The following PCDHA11 variants were observed in gnomAD, a reference collection of about 807,000 sequenced individuals.
The protein encoded by PCDHA11 is protocadherin alpha-11.
Under a neutral mutation model 70.3 loss-of-function variants are expected in PCDHA11, and 61 were observed. The observed-to-expected ratio is 0.87, with a 90% CI of 0.71 to 1.07. PCDHA11 has a LOEUF of 1.07. Among genes scored for constraint, PCDHA11 ranks in the 50% least tolerant of loss-of-function variants. The pLI is 0.00. For missense variants in PCDHA11, 1,324 were observed against 1,237.5 expected (o/e 1.07, Z -1.05); for synonymous variants, 633 against 555.1 (o/e 1.14, Z -1.97).
intron 1 of PCDHA11, among the ~76,000 whole-genome samples, chr5:140,921,888 AAGG>A (rs1354196773): frequency 2.0e-5 from 3 of 152,090 alleles, no homozygotes; most frequent in African/African-American, 7.2e-5. Flanking sequence ...AGATTTTAGA[AAGG>A]AGGATAAATA....
intron 3 of PCDHA11, among the ~76,000 whole-genome samples, chr5:140,987,698 A>T (rs1213489735): frequency 6.6e-6 from 1 of 152,142 alleles, no homozygotes; most frequent in African/African-American, 2.4e-5. Flanking sequence ...TTTTTAAATG[A>T]TTTTTCCAGG....
In PCDHA11 at chr5:140,871,383, G is replaced by C. The variant is rs200820570; in HGVS notation, c.2280G>C (p.Glu760Asp). 9.3e-6 allele frequency: 15 copies of C among 1,614,204 alleles called. No homozygotes were observed. The highest frequency in any genetic ancestry group is 6.7e-5 in the East Asian group (3 of 44,886). ...SQQRRQRVCS[E>D]EGPPKTDLMA... Reference sequence around the variant, plus strand: ...AGAGGCGGCAGAGGGTGTGCTCTGAGGAGGGCCCACCTAAGACGGACCTCA... The same window carrying C: ...AGAGGCGGCAGAGGGTGTGCTCTGACGAGGGCCCACCTAAGACGGACCTCA... The change falls in exon 1 of 4, where the codon GAG becomes GAC. Residue 760 changes from glutamate (E) to aspartate (D), a missense_variant. Coordinates refer to ENST00000398640, the MANE Select transcript of PCDHA11 (RefSeq NM_018902.5).
chr5:140,923,171 G>T (rs1236853762), intron 1 of PCDHA11, among the ~76,000 whole-genome samples: 1 of 152,112 alleles, frequency 6.6e-6, no homozygotes, highest in Non-Finnish European at 1.5e-5. Flanking sequence ...ATAAATTTTT[G>T]TTCAGATGCA....
chr5:140,981,726 T>C (rs1554243283), intron 2 of PCDHA11, among the ~76,000 whole-genome samples: 1 of 151,710 alleles, frequency 6.6e-6, no homozygotes, highest in Non-Finnish European at 1.5e-5. Context: ...CCAACAAATA[T>C]TTGAGAGATT....
In PCDHA11 at chr5:140,870,092, C is replaced by T. The variant is rs2051656113; in HGVS notation, c.989C>T (p.Ala330Val). The change falls in exon 1 of 4, where the codon GCA becomes GTA. Residue 330 changes from alanine (A) to valine (V), a missense_variant. Transcript: ENST00000398640. ...ACAGATAAGGGGACTCCCCCAATGG[C>T]AGGTCACTGTACAGTCTGGGTGGAA... ...QATDKGTPPM[A>V]GHCTVWVEIL... The T allele has an allele frequency of 1.2e-6, 2 of 1,613,728 alleles. No homozygotes were observed. Among genetic ancestry groups the T allele is most frequent in the African/African-American group, 1.3e-5 (1 of 74,904 alleles).
At chr5:140,993,462 TCACACACACACACACACACACA>T (rs3836747) in intron 3 of PCDHA11, among the ~76,000 whole-genome samples, 6 of 141,044 alleles carry the variant, frequency 4.3e-5, no homozygotes, top group East Asian at 4.2e-4. Context: ...TCTTTCTTTC[TCACACACACACACACACACACA>T]CACACACACA....
chr5:140,944,464 G>T (rs2093661298), intron 1 of PCDHA11, among the ~76,000 whole-genome samples: 1 of 152,158 alleles, frequency 6.6e-6, no homozygotes, highest in African/African-American at 2.4e-5. Context: ...TGGGATTACA[G>T]GTATGAGGCA....
intron 1 of PCDHA11, among the ~76,000 whole-genome samples, chr5:140,957,852 A>T (rs968818783): frequency 6.6e-6 from 1 of 151,658 alleles, no homozygotes. Flanking sequence ...GAGTTTGTGT[A>T]TTTTTTTTCC....
intron 3 of PCDHA11, among the ~76,000 whole-genome samples, chr5:140,995,186 A>T (rs2097669011): frequency 6.6e-6 from 1 of 152,132 alleles, no homozygotes; most frequent in Non-Finnish European, 1.5e-5. Flanking sequence ...ACCTATGATA[A>T]AGTTTAATTT....
intron 1 of PCDHA11, among the ~76,000 whole-genome samples, chr5:140,940,470 A>G (rs182796886): frequency 4.7e-5 from 7 of 149,652 alleles, no homozygotes; most frequent in African/African-American, 9.8e-5. Flanking sequence ...GTTCCCTGCA[A>G]TTTTTTTTTT....
intron 3 of PCDHA11, among the ~76,000 whole-genome samples, chr5:141,008,307 G>A (rs1212029861): frequency 2.0e-5 from 3 of 152,176 alleles, no homozygotes; most frequent in Admixed American, 1.3e-4. Context: ...ACCCTAAACT[G>A]TAATTGAACA....
intron 1 of PCDHA11, among the ~76,000 whole-genome samples, chr5:140,942,619 T>TA (rs35075175): frequency 5.6e-4 from 83 of 148,996 alleles, no homozygotes; most frequent in Non-Finnish European, 6.7e-4. Flanking sequence ...TTGCCAATTG[T>TA]AAAAAAAAAA....
intron 1 of PCDHA11, among the ~76,000 whole-genome samples, chr5:140,901,959 A>G (rs1163639408): frequency 6.6e-6 from 1 of 152,076 alleles, no homozygotes; most frequent in Admixed American, 6.6e-5. Flanking sequence ...ATTCGTGGCT[A>G]TCGTAAATGG....
rs199624636 is a variant in PCDHA11, at chr5:141,009,721, C to T, written c.2634C>T (p.Ser878=). The change falls in exon 4 of 4, where the codon TCC becomes TCT. Residue 878 remains serine (S), a synonymous_variant. Coordinates refer to ENST00000398640, the MANE Select transcript of PCDHA11 (RefSeq NM_018902.5). ...FKYGPGNPKQ[S]GPGELPDKFI... ...ACGGACCAGGCAACCCCAAACAATCCGGTCCCGGTGAGTTGCCCGACAAAT... is the reference window on the plus strand; with the variant it reads ...ACGGACCAGGCAACCCCAAACAATCTGGTCCCGGTGAGTTGCCCGACAAAT... 1.3e-5 allele frequency: 21 copies of T among 1,614,012 alleles called. No individual in the cohort carries two copies. The highest frequency in any genetic ancestry group is 1.7e-5 in the Non-Finnish European group (20 of 1,180,038).
At chr5:140,966,741 G>T in intron 1 of PCDHA11, 1 of 1,421,322 alleles carries the variant, frequency 7.0e-7, no homozygotes, top group Non-Finnish European at 9.1e-7. Flanking sequence ...GGCCCTGCCC[G>T]GCTGCCTCCG....
At position 140,870,438 on chromosome 5, in the gene PCDHA11, C is replaced by T. The variant is rs192088459; in HGVS notation, c.1335C>T (p.Ala445=). 3.9e-4 allele frequency: 630 copies of T among 1,614,178 alleles called. 3 individuals are homozygous for T. The African/African-American group carries it at 7.7e-3, about 20-fold the overall frequency. Residue 445 remains alanine (A), a synonymous_variant, in exon 1 of 4, where the codon GCC becomes GCT. Coordinates refer to ENST00000398640, the MANE Select transcript of PCDHA11 (RefSeq NM_018902.5). ...WATARVSVEV[A]DVNDNAPAFA... ...CGGCCAGGGTATCCGTGGAGGTGGCCGACGTGAACGACAATGCGCCTGCGT... is the reference window on the plus strand; with the variant it reads ...CGGCCAGGGTATCCGTGGAGGTGGCTGACGTGAACGACAATGCGCCTGCGT...
intron 3 of PCDHA11, among the ~76,000 whole-genome samples, chr5:141,004,166 A>C (rs2098156060): frequency 6.6e-6 from 1 of 152,278 alleles, no homozygotes; most frequent in Non-Finnish European, 1.5e-5. Context: ...AGGCAAAGCC[A>C]GCCAAGTGTC....
At chr5:141,009,019 C>A (rs1160022658) in intron 3 of PCDHA11, among the ~76,000 whole-genome samples, 1 of 152,232 alleles carries the variant, frequency 6.6e-6, no homozygotes, top group Non-Finnish European at 1.5e-5. Context: ...CCTTTAGGCT[C>A]TGTATTTCCC....
Position 141,010,780 on chromosome 5 carries a change from TGCAAAA to T in PCDHA11, c.*851_*856del, listed in dbSNP as rs1309288663. 1 of 153,816 alleles carries T rather than the reference TGCAAAA, an allele frequency of 6.5e-6. No homozygotes were observed. The highest frequency in any genetic ancestry group is 1.9e-4 in the East Asian group (1 of 5,188). The allele number at this position is 153,816 out of a possible 1,614,324, so 9.5% of individuals were successfully genotyped here. On this transcript the variant is annotated 3_prime_UTR_variant, in exon 4 of 4. Transcript: ENST00000398640. ...AGGCCAGATCCTTTTCCAATACTTATGCAAAAGCAAAAGAAAACCCCGACACCTCAC... is the reference window on the plus strand; with the variant it reads ...AGGCCAGATCCTTTTCCAATACTTATGCAAAAGAAAACCCCGACACCTCAC...
Sources: gnomAD v4.1 joint callset for allele counts (sites outside exome capture counted in the v4.1 genomes callset) on GRCh38, gnomAD v4.1.1 for gene constraint, MANE v1.5 for transcripts, NCBI Gene and HGNC (gene_info 2026-07-23, HGNC 2026-07-21) for gene names.